The following ZMYM5 variants were observed in gnomAD, a reference collection of about 807,000 sequenced individuals.
ZMYM5 encodes zinc finger MYM-type protein 5.
In ZMYM5, 41 loss-of-function variants were observed where a neutral mutation model predicts 61.8. The observed-to-expected ratio is 0.66, with a 90% CI of 0.52 to 0.86. ZMYM5 has a LOEUF of 0.86. Ranked by LOEUF, ZMYM5 falls within the 40% of genes least tolerant of loss-of-function variation. The probability of loss-of-function intolerance (pLI) is 0.00; values close to 1 mark genes in which losing one functional copy is unlikely to be tolerated. For missense variants in ZMYM5, 706 were observed against 786.7 expected (o/e 0.90, Z 1.23); for synonymous variants, 257 against 276.4 (o/e 0.93, Z 0.70).
In ZMYM5 at chr13:19,851,730, T is replaced by C. The variant is rs199695810; in HGVS notation, c.451A>G (p.Asn151Asp). 119 of 1,583,516 alleles carry C rather than the reference T, an allele frequency of 7.5e-5. No homozygotes were observed. The highest frequency in any genetic ancestry group is 9.6e-5 in the Non-Finnish European group (113 of 1,171,532). Reference sequence around the variant, plus strand: ...CTGGAAGTGGAGAAATCCAAATCGTTGGTTTTGTTTTTAGTTCCAGGAAGT... The same window carrying C: ...CTGGAAGTGGAGAAATCCAAATCGTCGGTTTTGTTTTTAGTTCCAGGAAGT... ...WGLPGTKNKTNDLDFSTSSLS... is the reference protein window; with the variant it reads ...WGLPGTKNKTDDLDFSTSSLS... The change falls in exon 3 of 8, where the codon AAC becomes GAC. Residue 151 changes from asparagine to aspartate, a missense_variant. Around this residue, in one of 2 missense-constraint regions of ZMYM5, gnomAD observed 480 missense variants for 461.7 expected, o/e 1.04. Transcript: ENST00000337963.
At chr13:19,859,663 T>G (rs1024557392) in intron 2 of ZMYM5, among the ~76,000 whole-genome samples, 10 of 151,762 alleles carry the variant, frequency 6.6e-5, no homozygotes, top group African/African-American at 2.4e-4. Context: ...CACCTTGGCC[T>G]CCCAAAGTGC....
intron 7 of ZMYM5, among the ~76,000 whole-genome samples, chr13:19,826,603 A>T (rs565978443): frequency 6.6e-6 from 1 of 151,692 alleles, no homozygotes; most frequent in East Asian, 2.0e-4. Context: ...AAAAATACAA[A>T]AATTAGCTGG....
intron 2 of ZMYM5, among the ~76,000 whole-genome samples, 152 bp downstream of exon 2, chr13:19,862,247 G>C (rs1185958346): frequency 1.3e-5 from 2 of 152,034 alleles, no homozygotes; most frequent in African/African-American, 4.8e-5. Flanking sequence ...GACTACCATG[G>C]CTTGGCTCTG....
Position 19,838,921 on chromosome 13 carries a change from T to C in ZMYM5, c.651A>G (p.Leu217=). 6.2e-7 allele frequency: 1 copy of C among 1,614,132 alleles called. No homozygotes were observed. Among genetic ancestry groups the C allele is most frequent in the Non-Finnish European group, 8.5e-7 (1 of 1,180,018 alleles). ...SNQKQPGVDS[L]SPVALLRKQN... is the part of the protein sequence containing the mutation. ...GCTTACGAAGTAAGGCCACTGGTGA[T>C]AAAGAATCCACCCCTGGCTGTTTCT... The change falls in exon 5 of 8, where the codon TTA becomes TTG. Residue 217 remains leucine (L), a synonymous_variant. Transcript: ENST00000337963.
intron 7 of ZMYM5, 71 bp downstream of exon 7, chr13:19,835,406 C>T: frequency 1.9e-6 from 2 of 1,044,340 alleles, no homozygotes; most frequent in South Asian, 1.4e-5. Flanking sequence ...TAAGATAAAT[C>T]CGGTTCATGT....
At chr13:19,831,093 C>T (rs1453262140) in intron 7 of ZMYM5, among the ~76,000 whole-genome samples, 1 of 147,518 alleles carries the variant, frequency 6.8e-6, no homozygotes, top group East Asian at 2.0e-4. Context: ...TTCCAAAGTG[C>T]TGGGATTACA....
At chr13:19,847,800 CTAAT>C (rs1481716738) in intron 4 of ZMYM5, among the ~76,000 whole-genome samples, 1 of 79,424 alleles carries the variant, frequency 1.3e-5, no homozygotes, top group Non-Finnish European at 2.5e-5. Flanking sequence ...CCATGCCCGG[CTAAT>C]TTTTTTTTTT....
chr13:19,830,615 C>T (rs932533319), intron 7 of ZMYM5, among the ~76,000 whole-genome samples: 4 of 148,358 alleles, frequency 2.7e-5, no homozygotes, highest in African/African-American at 7.5e-5. Context: ...CTCACTGCAA[C>T]CTCCGCCTCC....
At chr13:19,851,237 ACAAG>A (rs1162981340) in intron 4 of ZMYM5, 114 bp downstream of exon 4, 16 of 975,742 alleles carry the variant, frequency 1.6e-5, no homozygotes, top group Non-Finnish European at 2.5e-5. Flanking sequence ...AAACAAACAA[ACAAG>A]CAAACAAAAA....
Position 19,837,702 on chromosome 13 carries a change from C to T in ZMYM5, c.992G>A (p.Gly331Glu), listed in dbSNP as rs1345591644. ...PCENNWNLKKGVFNKSRCTIC... is the reference protein window; with the variant it reads ...PCENNWNLKKEVFNKSRCTIC... ...TGTACATCTTGACTTATTAAAAACTCCTTTTTTAAGATTCCAGTTGTTTTC... is the reference window on the plus strand; with the variant it reads ...TGTACATCTTGACTTATTAAAAACTTCTTTTTTAAGATTCCAGTTGTTTTC... Residue 331 changes from glycine (G) to glutamate (E), a missense_variant, in exon 6 of 8, where the codon GGA becomes GAA. Gly to Glu is a moderately conservative substitution (Grantham distance 98). Around this residue, in one of 2 missense-constraint regions of ZMYM5, gnomAD observed 480 missense variants for 461.7 expected, o/e 1.04. Transcript: ENST00000337963. 1 of 1,577,442 alleles carries T rather than the reference C, an allele frequency of 6.3e-7. No homozygotes were observed. Among genetic ancestry groups the T allele is most frequent in the Non-Finnish European group, 8.6e-7 (1 of 1,169,356 alleles).
At chr13:19,836,706 G>A (rs1366937697) in intron 6 of ZMYM5, among the ~76,000 whole-genome samples, 3 of 152,166 alleles carry the variant, frequency 2.0e-5, no homozygotes, top group African/African-American at 4.8e-5. Flanking sequence ...ATTCAGGATC[G>A]TGTCTGTATA....
rs188721480 is a variant in ZMYM5, at chr13:19,857,405, C to T, written c.-11+4994G>A. 3.4e-3 allele frequency among the ~76,000 whole-genome samples: 516 copies of T among 152,302 alleles called. 2 individuals carry two copies. The highest frequency in any genetic ancestry group is 5.6e-3 in the Admixed American group (86 of 15,280). On this transcript the variant is annotated intron_variant, in intron 2 of 7. Coordinates refer to ENST00000337963, the MANE Select transcript of ZMYM5 (RefSeq NM_001142684.2). ...TAAATGTACTTTGACCTATTTAGCT[C>T]TTCTTGTAGACTACTTTCAGAGACA...
Position 19,851,942 on chromosome 13 carries a change from CT to C in ZMYM5, c.238del (p.Arg80GlufsTer19). The C allele has an allele frequency of 1.9e-6, 3 of 1,613,898 alleles. No individual in the cohort carries two copies. Among genetic ancestry groups the C allele is most frequent in the Non-Finnish European group, 2.5e-6 (3 of 1,179,974 alleles). On this transcript the variant is annotated frameshift_variant, in exon 3 of 8. Coordinates refer to ENST00000337963, the MANE Select transcript of ZMYM5 (RefSeq NM_001142684.2). LOFTEE classifies it high-confidence loss of function. Reference sequence around the variant, plus strand: ...TTTTGATGATGCAAATATGAAGTTTCTTTGATCAGCTATTGCTGGAGCAGAA... The same window carrying C: ...TTTTGATGATGCAAATATGAAGTTTCTTGATCAGCTATTGCTGGAGCAGAA... ...SISAPAIADQ[R>X]NFIFASSKNE...
chr13:19,854,711 G>A (rs1953442936), intron 2 of ZMYM5, among the ~76,000 whole-genome samples: 1 of 150,276 alleles, frequency 6.7e-6, no homozygotes, highest in Admixed American at 6.7e-5. Flanking sequence ...TATGTATTAT[G>A]CTATTATATA....
intron 2 of ZMYM5, among the ~76,000 whole-genome samples, chr13:19,856,105 A>G (rs1315130100): frequency 6.6e-6 from 1 of 152,154 alleles, no homozygotes; most frequent in African/African-American, 2.4e-5. Flanking sequence ...ACCATGAAAA[A>G]CTTTAATTCT....
intron 7 of ZMYM5, among the ~76,000 whole-genome samples, chr13:19,826,715 C>T (rs1890934134): frequency 6.7e-6 from 1 of 150,360 alleles, no homozygotes; most frequent in East Asian, 2.0e-4. Flanking sequence ...GATCTCGCCA[C>T]TGCACTCCAG....
chr13:19,825,113 T>A lies in ZMYM5; in HGVS notation c.1374A>T (p.Gly458=), dbSNP rs374451965. Residue 458 remains glycine (G), a synonymous_variant, in exon 8 of 8, where the codon GGA becomes GGT. Transcript: ENST00000337963. ...AAGTCTTTTCCTTTTTTTCTGGGAT[T>A]CCCTCTATTTTTTTCAAAAGTGTAT... is the stretch of plus-strand genomic sequence containing the variant. ...SSNTLLKKIE[G]IPEKKEKTSQ... The A allele has an allele frequency of 2.2e-6, 3 of 1,365,218 alleles. No individual in the cohort carries two copies. Among genetic ancestry groups the A allele is most frequent in the Non-Finnish European group, 2.9e-6 (3 of 1,020,790 alleles). 84.6% of individuals were successfully genotyped at this position (1,365,218 alleles called of 1,614,324 possible).
chr13:19,845,942 T>G (rs1414815333), intron 4 of ZMYM5, among the ~76,000 whole-genome samples: 1 of 152,134 alleles, frequency 6.6e-6, no homozygotes, highest in East Asian at 1.9e-4. Context: ...TCCCCTCCTC[T>G]CCCAGACTTT....
chr13:19,842,735 A>G (rs1027105277), intron 4 of ZMYM5, among the ~76,000 whole-genome samples: 5 of 150,860 alleles, frequency 3.3e-5, no homozygotes, highest in African/African-American at 1.2e-4. Flanking sequence ...CAAGGCAGGC[A>G]GATCACCTGA....
Sources: allele counts gnomAD v4.1 joint callset (sites outside exome capture counted in the v4.1 genomes callset), GRCh38; gene constraint gnomAD v4.1.1; regional missense constraint gnomAD v4.1.1; transcripts MANE v1.5; gene names NCBI Gene and HGNC (gene_info 2026-07-23, HGNC 2026-07-21).